The following ELF4 variants were observed in gnomAD, a reference collection of about 807,000 sequenced individuals.
The protein encoded by ELF4 is E74 like ETS transcription factor 4.
Under a neutral mutation model 31.7 loss-of-function variants are expected in ELF4, and 10 were observed. The observed-to-expected ratio is 0.32, with a 90% confidence interval of 0.19 to 0.54. The LOEUF (loss-of-function observed/expected upper bound fraction) is 0.54. Among genes scored for constraint, ELF4 ranks in the 20% least tolerant of loss-of-function variants. The pLI is 0.95. For synonymous variants in ELF4, 208 were observed against 226.7 expected (o/e 0.92, Z 0.74); for missense variants, 418 against 522.0 (o/e 0.80, Z 1.94).
Position 130,063,972 on chromosome X carries a change from TTTATTA to T in ELF4, c.*2743_*2748del, listed in dbSNP as rs201836552. On this transcript the variant is annotated 3_prime_UTR_variant, in exon 9 of 9. Coordinates refer to ENST00000308167, the MANE Select transcript of ELF4 (RefSeq NM_001421.4). ...TGACGGCCTTTTTGTTTGCTTGATTTTTATTATTATTATTATTATTATTATTATTAT... is the reference window on the plus strand; with the variant it reads ...TGACGGCCTTTTTGTTTGCTTGATTTTTATTATTATTATTATTATTATTAT... Among the ~76,000 whole-genome samples the T allele has an allele frequency of 0.074, 6,901 of 93,234 alleles. 474 individuals are homozygous for T. Among genetic ancestry groups the T allele is most frequent in the African/African-American group, 0.22 (5,441 of 25,242 alleles). The allele number at this position is 93,234 out of a possible 115,157, so 81.0% of individuals were successfully genotyped here. A position where few individuals can be genotyped will look rare whatever the true frequency, so the allele number is the denominator to read the frequency against.
chrX:130,066,759 G>T lies in ELF4; in HGVS notation c.1954C>A (p.Pro652Thr). ...GGCTCCATCTTAATGAGGGAAGTAG[G>T]GTTGAATGGGGAGAAAGGGGCTGGG... Reference protein sequence around the residue: ...PTPAPFSPFNPTSLIKMEPHD... With the variant: ...PTPAPFSPFNTTSLIKMEPHD... The change falls in exon 9 of 9, where the codon CCT (proline) becomes ACT (threonine). Residue 652 changes from proline to threonine, a missense_variant. Around this residue, in one of 4 missense-constraint regions of ELF4, gnomAD observed 260 missense variants for 269.2 expected, o/e 0.97. Transcript: ENST00000308167. 1 of 1,210,260 alleles carries T rather than the reference G, an allele frequency of 8.3e-7. No individual in the cohort carries two copies. The highest frequency in any genetic ancestry group is 1.1e-6 in the Non-Finnish European group (1 of 894,967).
intron 1 of ELF4, among the ~76,000 whole-genome samples, chrX:130,087,629 G>A (rs1010025893): frequency 9.0e-6 from 1 of 111,241 alleles, no homozygotes; most frequent in African/African-American, 3.3e-5. Context: ...CACCACGCCC[G>A]GCTATTTTTT....
At chrX:130,072,812 T>C (rs944966386) in intron 4 of ELF4, among the ~76,000 whole-genome samples, 9 of 112,232 alleles carry the variant, frequency 8.0e-5, no homozygotes, top group Non-Finnish European at 1.9e-5. Context: ...GGGGAAGTCA[T>C]GTGCCCAAGG....
upstream of ELF4, chrX:130,110,628 CGG>C (rs1425324806): frequency 9.1e-6 from 1 of 110,035 alleles, no homozygotes; most frequent in Non-Finnish European, 1.9e-5. Context: ...ACCTCGGCGC[CGG>C]GGCAGGCTGG....
chrX:130,071,800 A>G (rs1457086634), intron 5 of ELF4, among the ~76,000 whole-genome samples: 1 of 112,519 alleles, frequency 8.9e-6, no homozygotes, highest in Non-Finnish European at 1.9e-5. Context: ...GAGTAAATCA[A>G]TAACACCGGG....
At chrX:130,074,256 G>A (rs1932814055) in intron 3 of ELF4, 115 bp from the exon 4 acceptor site, 14 of 821,129 alleles carry the variant, frequency 1.7e-5, no homozygotes, top group Non-Finnish European at 1.8e-6. Flanking sequence ...AGCATCCTTC[G>A]GGCTGACCCT....
chrX:130,110,534 C>T (rs1407011670), upstream of ELF4: 1 of 108,750 alleles, frequency 9.2e-6, no homozygotes, highest in African/African-American at 3.3e-5. Flanking sequence ...TCCCCGCGGC[C>T]GCCGGGGCCG....
At chrX:130,094,777 C>T (rs945008601) in intron 1 of ELF4, among the ~76,000 whole-genome samples, 11 of 111,546 alleles carry the variant, frequency 9.9e-5, no homozygotes, top group Non-Finnish European at 1.5e-4. Flanking sequence ...TTAGAAACAA[C>T]ATCTGGATGT....
chrX:130,076,490 G>T (rs1932836001), intron 2 of ELF4, among the ~76,000 whole-genome samples: 1 of 112,395 alleles, frequency 8.9e-6, no homozygotes. Flanking sequence ...GGAGTGCAGT[G>T]GCACGATCTT....
chrX:130,083,362 G>GC (rs1410733544), intron 1 of ELF4, among the ~76,000 whole-genome samples: 3 of 90,287 alleles, frequency 3.3e-5, no homozygotes, highest in Admixed American at 1.4e-4. Flanking sequence ...TGTCCCCCCT[G>GC]CCCCCCCAGC....
intron 1 of ELF4, among the ~76,000 whole-genome samples, chrX:130,102,085 G>A (rs778671511): frequency 1.8e-5 from 2 of 112,654 alleles, no homozygotes; most frequent in Non-Finnish European, 3.8e-5. Flanking sequence ...AGCAGAGGTT[G>A]CAGTGAACTG....
intron 1 of ELF4, among the ~76,000 whole-genome samples, chrX:130,089,963 G>A (rs1158428270): frequency 1.8e-5 from 2 of 111,692 alleles, no homozygotes; most frequent in African/African-American, 3.3e-5. Flanking sequence ...TTGTCTGGAC[G>A]TGGTGACTCA....
chrX:130,072,192 G>C, intron 5 of ELF4, 34 bp downstream of exon 5: 18 of 864,703 alleles, frequency 2.1e-5, no homozygotes, highest in Non-Finnish European at 2.8e-5. Context: ...CCATCCCCTC[G>C]GAGACACACA....
upstream of ELF4, among the ~76,000 whole-genome samples, chrX:130,111,177 C>T (rs1933483501): frequency 9.3e-6 from 1 of 107,999 alleles, no homozygotes; most frequent in Non-Finnish European, 1.9e-5. Context: ...CGAGGCAGGG[C>T]GCCCGCAGAG....
chrX:130,108,202 C>T (rs1186624600), intron 1 of ELF4, among the ~76,000 whole-genome samples: 1 of 107,745 alleles, frequency 9.3e-6, no homozygotes, highest in Non-Finnish European at 1.9e-5. Flanking sequence ...GAGTGAAACT[C>T]CATCTCAAAA....
chrX:130,086,261 A>AT (rs1178512767), intron 1 of ELF4, among the ~76,000 whole-genome samples: 1 of 112,068 alleles, frequency 8.9e-6, no homozygotes, highest in Admixed American at 9.5e-5. Context: ...CTCTGTGCTT[A>AT]TTTACAAGAA....
At chrX:130,088,578 C>G (rs1006111986) in intron 1 of ELF4, among the ~76,000 whole-genome samples, 1 of 110,487 alleles carries the variant, frequency 9.1e-6, no homozygotes, top group Non-Finnish European at 1.9e-5. Context: ...CGGAGTGTGG[C>G]GGCGTGCACC....
At chrX:130,071,507 G>A (rs1932787904) in intron 5 of ELF4, 88 bp from the exon 6 acceptor site, 1 of 916,785 alleles carries the variant, frequency 1.1e-6, no homozygotes, top group Non-Finnish European at 1.6e-6. Flanking sequence ...AGCCAACAAG[G>A]AGGAGGCAGG....
In ELF4 at chrX:130,066,972, T is replaced by G; in HGVS notation, c.1741A>C (p.Thr581Pro). ...TGGGAACCCCTGGAAACCACCTGGG[T>G]TGGAAGTGGCTGAAGATGAGCCTGA... ...RDQAHLQPLP[T>P]QVVSRGSHNP... Residue 581 changes from threonine (T) to proline (P), a missense_variant, in exon 9 of 9, where the codon ACC (threonine) becomes CCC (proline). By Grantham distance (38) the Thr-to-Pro change is conservative (BLOSUM62 -1). Around this residue, in one of 4 missense-constraint regions of ELF4, gnomAD observed 260 missense variants for 269.2 expected, o/e 0.97. Transcript: ENST00000308167. 8.3e-7 allele frequency: 1 copy of G among 1,211,627 alleles called. No individual in the cohort carries two copies.
Sources: allele counts gnomAD v4.1 joint callset (sites outside exome capture counted in the v4.1 genomes callset), GRCh38; gene constraint gnomAD v4.1.1; regional missense constraint gnomAD v4.1.1; transcripts MANE v1.5; gene names NCBI Gene and HGNC (gene_info 2026-07-23, HGNC 2026-07-21).